Variants in AKT3 observed in about 807,000 individuals in gnomAD.
AKT3 encodes RAC-gamma serine/threonine-protein kinase.
AKT3 carries 15 observed loss-of-function variants against 65.3 expected under a neutral mutation model. The observed-to-expected ratio is 0.23, with a 90% CI of 0.15 to 0.35. The LOEUF is 0.35. Among genes scored for constraint, AKT3 ranks in the 10% least tolerant of loss-of-function variants. The pLI, the probability that AKT3 is intolerant of heterozygous loss-of-function variation, is 1.00. For synonymous variants in AKT3, 206 were observed against 183.8 expected (o/e 1.12, Z -0.98); for missense variants, 243 against 576.5 (o/e 0.42, Z 5.92).
intron 2 of AKT3, among the ~76,000 whole-genome samples, chr1:243,739,278 A>G (rs1688010037): frequency 6.6e-6 from 1 of 152,240 alleles, no homozygotes; most frequent in Non-Finnish European, 1.5e-5. Flanking sequence ...ATTTCAACAT[A>G]TAACCATAGA....
intron 13 of AKT3, among the ~76,000 whole-genome samples, chr1:243,493,159 G>C (rs1201324501): frequency 6.7e-6 from 1 of 148,922 alleles, no homozygotes; most frequent in Non-Finnish European, 1.5e-5. Flanking sequence ...GACTGGGCTG[G>C]GTAGTCGCAC....
At chr1:243,507,222 G>C (rs950883435) in intron 13 of AKT3, among the ~76,000 whole-genome samples, 5 of 152,222 alleles carry the variant, frequency 3.3e-5, no homozygotes, top group African/African-American at 1.2e-4. Context: ...GCGAGGTTCA[G>C]CACCCAGGTT....
At chr1:243,758,264 T>A (rs1295798389) in intron 2 of AKT3, among the ~76,000 whole-genome samples, 2 of 152,068 alleles carry the variant, frequency 1.3e-5, no homozygotes, top group African/African-American at 2.4e-5. Flanking sequence ...GAGAAAAATA[T>A]AGCAAAGGAG....
At chr1:243,819,444 C>T (rs1558842510) in intron 2 of AKT3, among the ~76,000 whole-genome samples, 1 of 152,212 alleles carries the variant, frequency 6.6e-6, no homozygotes, top group Non-Finnish European at 1.5e-5. Flanking sequence ...GGCCTCCCTG[C>T]AGGAATTTTA....
At chr1:243,628,530 C>G (rs1389984940) in intron 6 of AKT3, among the ~76,000 whole-genome samples, 3 of 152,158 alleles carry the variant, frequency 2.0e-5, no homozygotes, top group Admixed American at 2.0e-4. Flanking sequence ...AGTCTGAACT[C>G]CTGGACTCAT....
At chr1:243,489,159 C>G (rs1470993701) in intron 13 of AKT3, 1 of 1,610,430 alleles carries the variant, frequency 6.2e-7, no homozygotes, top group Non-Finnish European at 8.5e-7. Flanking sequence ...CAGAACGCGG[C>G]GCAGGTGGGA....
At chr1:243,833,494 G>A (rs1466514853) in intron 2 of AKT3, among the ~76,000 whole-genome samples, 3 of 151,956 alleles carry the variant, frequency 2.0e-5, no homozygotes, top group Non-Finnish European at 1.5e-5. Flanking sequence ...CAGCATGGGG[G>A]AAACTGCCCC....
chr1:243,663,562 A>T (rs1472925533), intron 4 of AKT3, among the ~76,000 whole-genome samples: 4 of 152,184 alleles, frequency 2.6e-5, no homozygotes, highest in Non-Finnish European at 4.4e-5. Context: ...GCACATAGTA[A>T]GATTGGAAGT....
chr1:243,645,746 G>A, intron 5 of AKT3, 147 bp downstream of exon 5: 1 of 745,270 alleles, frequency 1.3e-6, no homozygotes, highest in East Asian at 3.0e-5. Context: ...AACAACAACA[G>A]GTATTTCAGA....
intron 7 of AKT3, 86 bp downstream of exon 7, chr1:243,615,010 T>A (rs561082682): frequency 3.3e-5 from 31 of 946,832 alleles, no homozygotes; most frequent in Non-Finnish European, 5.0e-5. Context: ...TCTAAATGAA[T>A]AGTATTTTTC....
intron 2 of AKT3, among the ~76,000 whole-genome samples, chr1:243,805,244 A>C (rs1692651959): frequency 6.6e-6 from 1 of 151,618 alleles, no homozygotes. Context: ...CCTCATGCTC[A>C]CCTTCCCTCT....
rs1339965596 is a variant in AKT3 at position 243,500,640 on chromosome 1, T to A, written c.*4609A>T. On this transcript the variant is annotated 3_prime_UTR_variant, in exon 14 of 14. Transcript: ENST00000673466. ...CACTAAAGGCAAGGCTGCAGTTAGT[T>A]AGGACAGGTCCCTGACCTTCGGCTG... is the stretch of plus-strand genomic sequence containing the variant. 4.3e-6 allele frequency: 1 copy of A among 229,918 alleles called. No individual in the cohort carries two copies. Among genetic ancestry groups the A allele is most frequent in the African/African-American group, 2.2e-5 (1 of 44,972 alleles). The allele number at this position is 229,918 out of a possible 1,614,324, so 14.2% of individuals were successfully genotyped here.
chr1:243,658,327 C>T (rs1419378659), intron 4 of AKT3, among the ~76,000 whole-genome samples: 3 of 152,054 alleles, frequency 2.0e-5, no homozygotes, highest in African/African-American at 7.2e-5. Context: ...AGTAGACATA[C>T]AAATGATACA....
intron 2 of AKT3, among the ~76,000 whole-genome samples, chr1:243,697,850 A>G (rs78905982): frequency 0.014 from 2,105 of 152,142 alleles, 29 homozygotes; most frequent in Admixed American, 0.043. Flanking sequence ...AATACTCTAC[A>G]TGCCCAAGCT....
chr1:243,786,521 C>A (rs1176726905), intron 2 of AKT3, among the ~76,000 whole-genome samples: 1 of 152,190 alleles, frequency 6.6e-6, no homozygotes, highest in East Asian at 1.9e-4. Context: ...CAAGAAACCA[C>A]AAATATCTTC....
At chr1:243,580,785 T>G (rs1675281710) in intron 8 of AKT3, among the ~76,000 whole-genome samples, 2 of 152,192 alleles carry the variant, frequency 1.3e-5, no homozygotes, top group African/African-American at 4.8e-5. Context: ...GGGCCCTTGC[T>G]GCTCCATCTC....
In AKT3 at chr1:243,501,253, C is replaced by G. The variant is rs923465631; in HGVS notation, c.*3996G>C. 8.6e-6 allele frequency: 2 copies of G among 233,018 alleles called. No individual in the cohort carries two copies. The highest frequency in any genetic ancestry group is 1.7e-5 in the Non-Finnish European group (2 of 117,878). The allele number at this position is 233,018 out of a possible 1,614,324, so 14.4% of individuals were successfully genotyped here. A position where few individuals can be genotyped will look rare whatever the true frequency, so the allele number is the denominator to read the frequency against. On this transcript the variant is annotated 3_prime_UTR_variant, in exon 14 of 14. Coordinates refer to ENST00000673466, the MANE Select transcript of AKT3 (RefSeq NM_005465.7). ...ATTCAACGTGAAGTCAGACTGCAGTCCAGCCATCCTACCCATCTACATCAC... is the reference window on the plus strand; with the variant it reads ...ATTCAACGTGAAGTCAGACTGCAGTGCAGCCATCCTACCCATCTACATCAC...
chr1:243,660,223 C>T (rs1414970449), intron 4 of AKT3, among the ~76,000 whole-genome samples: 21 of 151,824 alleles, frequency 1.4e-4, no homozygotes, highest in African/African-American at 2.2e-4. Context: ...GTGTATGTGT[C>T]GAGGAATTTA....
At chr1:243,506,738 C>G (rs979678989) in intron 13 of AKT3, among the ~76,000 whole-genome samples, 4 of 152,172 alleles carry the variant, frequency 2.6e-5, no homozygotes, top group Admixed American at 2.6e-4. Context: ...ACACTGAACT[C>G]GGAGGCCCTC....
Sources: allele counts gnomAD v4.1 joint callset (sites outside exome capture counted in the v4.1 genomes callset), GRCh38; gene constraint gnomAD v4.1.1; transcripts MANE v1.5; gene names NCBI Gene and HGNC (gene_info 2026-07-23, HGNC 2026-07-21).